MTF2: variants seen among roughly 807,000 people sequenced by gnomAD.
The protein encoded by MTF2 is metal response element binding transcription factor 2.
A neutral mutation model predicts 79.5 loss-of-function variants in MTF2; 11 were observed. That is an observed-to-expected ratio of 0.14 (90% confidence interval 0.09 to 0.23). The LOEUF (loss-of-function observed/expected upper bound fraction) is 0.23, where lower values mean the gene tolerates loss of function less well. Ranked by LOEUF, MTF2 falls within the 10% of genes least tolerant of loss-of-function variation. The probability of loss-of-function intolerance (pLI) is 1.00; values close to 1 mark genes in which losing one functional copy is unlikely to be tolerated. For synonymous variants in MTF2, 208 were observed against 232.8 expected, an observed-to-expected ratio of 0.89 and a Z score of 0.97; for missense variants, 486 against 711.2, an observed-to-expected ratio of 0.68 and a Z score of 3.60.
chr1:93,079,628 G>C (rs1459525149), intron 1 of MTF2, 97 bp downstream of exon 1: 23 of 1,423,350 alleles, frequency 1.6e-5, no homozygotes, highest in Non-Finnish European at 2.1e-5. Context: ...AAAGATGGAG[G>C]ACCAAGGTGG....
intron 1 of MTF2, among the ~76,000 whole-genome samples, chr1:93,083,750 C>A (rs924907975): frequency 6.6e-6 from 1 of 152,136 alleles, no homozygotes; most frequent in Admixed American, 6.5e-5. Flanking sequence ...TATTGTCTAT[C>A]TTTTGATTAT....
chr1:93,110,247 G>C lies in MTF2; in HGVS notation c.23G>C (p.Gly8Ala), dbSNP rs764436816. 58 of 1,613,978 alleles carry C rather than the reference G, an allele frequency of 3.6e-5. No homozygotes were observed. Among genetic ancestry groups the C allele is most frequent in the Admixed American group, 5.0e-5 (3 of 59,992 alleles). ...CTAAACAGAGACTCTACAGGGGCAG[G>C]TAATTCACTGGTCCACAAGCGGTCT... MRDSTGAGNSLVHKRSPL... is the reference protein window; with the variant it reads MRDSTGAANSLVHKRSPL... Residue 8 changes from glycine to alanine, a missense_variant, in exon 2 of 15, where the codon GGT (glycine) becomes GCT (alanine). By Grantham distance (60) the Gly-to-Ala change is moderately conservative. Coordinates refer to ENST00000370298, the MANE Select transcript of MTF2 (RefSeq NM_007358.4).
chr1:93,128,474 T>C (rs1385996639), intron 10 of MTF2, among the ~76,000 whole-genome samples: 2 of 151,114 alleles, frequency 1.3e-5, no homozygotes, highest in African/African-American at 2.4e-5. Flanking sequence ...GGAGAATCGC[T>C]TGAACCCGGG....
intron 9 of MTF2, chr1:93,121,588 A>T: frequency 5.1e-6 from 5 of 977,468 alleles, no homozygotes; most frequent in Non-Finnish European, 6.1e-6. Flanking sequence ...GGTTTATGGG[A>T]TATCAGGGAG....
At chr1:93,103,164 G>A (rs1655619144) in intron 1 of MTF2, among the ~76,000 whole-genome samples, 1 of 151,590 alleles carries the variant, frequency 6.6e-6, no homozygotes, top group African/African-American at 2.4e-5. Context: ...GAAACTGGGT[G>A]TCACTTGATG....
intron 9 of MTF2, among the ~76,000 whole-genome samples, chr1:93,126,067 T>C (rs1656682134): frequency 6.6e-6 from 1 of 152,054 alleles, no homozygotes; most frequent in African/African-American, 2.4e-5. Context: ...TCCTTTAAAA[T>C]TGAAATTCTC....
intron 11 of MTF2, among the ~76,000 whole-genome samples, chr1:93,133,412 G>A (rs948018994): frequency 1.3e-5 from 2 of 151,946 alleles, no homozygotes; most frequent in African/African-American, 2.4e-5. Context: ...TCTGGTTTTT[G>A]TTGTTGTTTT....
chr1:93,101,496 T>C (rs1458925268), intron 1 of MTF2, among the ~76,000 whole-genome samples: 10 of 147,168 alleles, frequency 6.8e-5, no homozygotes, highest in African/African-American at 2.5e-4. Flanking sequence ...CCTGCAGCTA[T>C]GTGCCATCAC....
chr1:93,096,921 C>G (rs999356184), intron 1 of MTF2, among the ~76,000 whole-genome samples: 2 of 151,130 alleles, frequency 1.3e-5, no homozygotes, highest in Non-Finnish European at 1.5e-5. Flanking sequence ...ACTGATCCTC[C>G]TGCCTCAGCC....
chr1:93,110,829 T>G (rs1656001032), intron 3 of MTF2, among the ~76,000 whole-genome samples: 1 of 152,196 alleles, frequency 6.6e-6, no homozygotes, highest in Non-Finnish European at 1.5e-5. Context: ...GCATCACTAA[T>G]TTATACCTGT....
At chr1:93,088,231 C>CT (rs1654929248) in intron 1 of MTF2, among the ~76,000 whole-genome samples, 1 of 152,144 alleles carries the variant, frequency 6.6e-6, no homozygotes, top group South Asian at 2.1e-4. Flanking sequence ...GTGTAATCAA[C>CT]TTTATAAATT....
chr1:93,136,047 A>T (rs148745049), intron 14 of MTF2, among the ~76,000 whole-genome samples: 80 of 152,300 alleles, frequency 5.3e-4, no homozygotes, highest in African/African-American at 1.7e-3. Context: ...TTCTGTGCTG[A>T]AAAGGACCTC....
intron 1 of MTF2, among the ~76,000 whole-genome samples, chr1:93,084,599 T>C (rs1422721298): frequency 6.6e-6 from 1 of 152,222 alleles, no homozygotes; most frequent in East Asian, 1.9e-4. Context: ...CATTTTAATA[T>C]TATTAACATC....
chr1:93,108,902 T>A lies in MTF2; in HGVS notation c.6-1328T>A, dbSNP rs541194783. Among the ~76,000 whole-genome samples, 20 of 152,330 alleles carry A rather than the reference T, an allele frequency of 1.3e-4. No homozygotes were observed. The East Asian group carries it at 3.3e-3, about 25-fold the overall frequency. On this transcript the variant is annotated intron_variant, in intron 1 of 14. Transcript: ENST00000370298. The stretch of plus-strand genomic sequence containing the variant: ...ACTTTGAGTGTCTAGGCACCTCATA[T>A]AAGTGGAATAGTTGTCCATTTTGTC...
rs1647421815 is a variant in MTF2, at chr1:93,136,827, G to C, written c.1582G>C (p.Asp528His). 6.2e-7 allele frequency: 1 copy of C among 1,614,204 alleles called. No individual in the cohort carries two copies. Among genetic ancestry groups the C allele is most frequent in the East Asian group, 2.2e-5 (1 of 44,890 alleles). The stretch of plus-strand genomic sequence containing the variant: ...TGAAGGCAAAGAAGATTATCAGTTT[G>C]ATGAACTCAACACAGAGATTCTGAA... The part of the protein sequence containing the change: ...DDEGKEDYQF[D>H]ELNTEILNNL... The change falls in exon 15 of 15, where the codon GAT becomes CAT. Residue 528 changes from aspartate (D) to histidine (H), a missense_variant. This residue lies in a region of MTF2 where 209 missense variants were observed against 206.5 expected (regional missense o/e 1.01). Coordinates refer to ENST00000370298, the MANE Select transcript of MTF2 (RefSeq NM_007358.4).
chr1:93,110,771 T>C, intron 3 of MTF2, 145 bp downstream of exon 3: 1 of 678,614 alleles, frequency 1.5e-6, no homozygotes, highest in African/African-American at 1.8e-5. Context: ...ATCAGCATAG[T>C]CGTTATTATA....
At chr1:93,110,845 A>G (rs1557551234) in intron 3 of MTF2, among the ~76,000 whole-genome samples, 1 of 152,226 alleles carries the variant, frequency 6.6e-6, no homozygotes, top group Non-Finnish European at 1.5e-5. Flanking sequence ...CCTGTAAGCT[A>G]TGTTAAGACC....
intron 1 of MTF2, among the ~76,000 whole-genome samples, chr1:93,087,592 A>T (rs770288549): frequency 4.6e-5 from 7 of 151,796 alleles, no homozygotes; most frequent in Non-Finnish European, 1.0e-4. Context: ...AAAAGCCTTA[A>T]TGGCAAAATA....
intron 10 of MTF2, 144 bp downstream of exon 10, chr1:93,127,443 T>G (rs1656744402): frequency 3.6e-6 from 2 of 562,820 alleles, no homozygotes; most frequent in African/African-American, 3.8e-5. Context: ...TCTATTTTAG[T>G]TAGATTAAAG....
Sources: gnomAD v4.1 joint callset for allele counts (sites outside exome capture counted in the v4.1 genomes callset) on GRCh38, gnomAD v4.1.1 for gene constraint, gnomAD v4.1.1 regional missense constraint, MANE v1.5 for transcripts, NCBI Gene and HGNC (gene_info 2026-07-23, HGNC 2026-07-21) for gene names.